Variants in ASH1L observed in about 807,000 individuals in gnomAD.
The protein encoded by ASH1L is ASH1 like histone lysine methyltransferase, also known as histone-lysine N-methyltransferase ASH1L.
A neutral mutation model predicts 269.0 loss-of-function variants in ASH1L; 23 were observed. That is an observed-to-expected ratio of 0.09 (90% CI 0.06 to 0.12). ASH1L has a LOEUF of 0.12. ASH1L is among the 10% of genes least tolerant of loss of function. ASH1L has a pLI of 1.00. For missense variants in ASH1L, 2,912 were observed against 3,567.8 expected, an observed-to-expected ratio of 0.82 and a Z score of 4.68; for synonymous variants, 1,187 against 1,253.5, an observed-to-expected ratio of 0.95 and a Z score of 1.12.
At chr1:155,345,483 G>A (rs1255861217) in intron 21 of ASH1L, among the ~76,000 whole-genome samples, 2 of 150,924 alleles carry the variant, frequency 1.3e-5, no homozygotes, top group East Asian at 2.0e-4. Flanking sequence ...GCGCCCGGCC[G>A]AGGATGGTCT....
At chr1:155,475,809 A>G (rs1235642501) in intron 3 of ASH1L, among the ~76,000 whole-genome samples, 1 of 152,190 alleles carries the variant, frequency 6.6e-6, no homozygotes, top group Non-Finnish European at 1.5e-5. Context: ...TCACCTTCTC[A>G]GGAAAGACTT....
At chr1:155,472,998 G>T (rs1423998810) in intron 3 of ASH1L, among the ~76,000 whole-genome samples, 1 of 151,946 alleles carries the variant, frequency 6.6e-6, no homozygotes, top group Non-Finnish European at 1.5e-5. Context: ...ATTCACAAAG[G>T]TATACAGTAT....
chr1:155,547,483 G>A (rs920576972), intron 1 of ASH1L, among the ~76,000 whole-genome samples: 1 of 151,942 alleles, frequency 6.6e-6, no homozygotes, highest in African/African-American at 2.4e-5. Flanking sequence ...GTGCACTTTG[G>A]GAGGCTGAGG....
intron 12 of ASH1L, among the ~76,000 whole-genome samples, chr1:155,363,964 C>A (rs936457126): frequency 6.6e-6 from 1 of 151,190 alleles, no homozygotes. Flanking sequence ...CAGAGCAAGA[C>A]TCTGTCTCAA....
intron 7 of ASH1L, among the ~76,000 whole-genome samples, chr1:155,394,197 T>C (rs1337494679): frequency 6.6e-6 from 1 of 152,066 alleles, no homozygotes; most frequent in Non-Finnish European, 1.5e-5. Flanking sequence ...ATAACAAGTA[T>C]AATGACCCTC....
chr1:155,469,203 A>G (rs1664910783), intron 3 of ASH1L, among the ~76,000 whole-genome samples: 1 of 149,874 alleles, frequency 6.7e-6, no homozygotes, highest in Non-Finnish European at 1.5e-5. Flanking sequence ...TTTTTTTTTG[A>G]GACGGAGTTT....
rs1347122264 is a variant in ASH1L, at chr1:155,479,845, T to C, written c.3025A>G (p.Ser1009Gly). The C allele has an allele frequency of 1.2e-6, 2 of 1,613,940 alleles. No individual in the cohort carries two copies. Among genetic ancestry groups the C allele is most frequent in the South Asian group, 2.2e-5 (2 of 91,042 alleles). Residue 1009 changes from serine to glycine, a missense_variant, in exon 3 of 28, where the codon AGT becomes GGT. Transcript: ENST00000392403. ...TTGGATTGCACTTTCCCTTTATTAC[T>C]TGATTCTACAGAACTTGAAAGAATC... ...NQILSSSVES[S>G]NKGKVQSKLH... is the part of the protein sequence containing the mutation.
intron 2 of ASH1L, among the ~76,000 whole-genome samples, chr1:155,510,259 C>T (rs1668079226): frequency 1.3e-5 from 2 of 151,398 alleles, no homozygotes; most frequent in South Asian, 4.2e-4. Context: ...ACTAAAAATA[C>T]AAAAATTACC....
chr1:155,427,633 T>C (rs1661258592), intron 5 of ASH1L, among the ~76,000 whole-genome samples: 1 of 151,940 alleles, frequency 6.6e-6, no homozygotes, highest in Non-Finnish European at 1.5e-5. Context: ...GAGATGGGTG[T>C]TCACTATGTT....
intron 5 of ASH1L, among the ~76,000 whole-genome samples, chr1:155,430,811 A>G (rs1661536680): frequency 6.6e-6 from 1 of 152,092 alleles, no homozygotes; most frequent in Non-Finnish European, 1.5e-5. Flanking sequence ...TGTTTTTAGA[A>G]ATAGGGTTTT....
intron 7 of ASH1L, 40 bp downstream of exon 7, chr1:155,395,419 G>A (rs1553251255): frequency 1.4e-6 from 2 of 1,432,626 alleles, no homozygotes; most frequent in Non-Finnish European, 1.9e-6. Context: ...AGGAAATACT[G>A]TTTCTTCTCA....
chr1:155,552,007 C>T (rs1430396748), intron 1 of ASH1L, among the ~76,000 whole-genome samples: 1 of 151,908 alleles, frequency 6.6e-6, no homozygotes, highest in Non-Finnish European at 1.5e-5. Flanking sequence ...TTGAACAACA[C>T]GTAATATACT....
intron 2 of ASH1L, among the ~76,000 whole-genome samples, chr1:155,485,080 C>A (rs1382920179): frequency 1.3e-5 from 2 of 151,354 alleles, no homozygotes; most frequent in Admixed American, 6.6e-5. Context: ...CATGGTGAAA[C>A]CCCATCTCTG....
rs1668877114 is a variant in ASH1L at position 155,521,384 on chromosome 1, C to G, written c.136G>C (p.Glu46Gln). ...EVELEKNTKE[E>Q]EDLRKRNRER... ...CGATTCCGTTTGCGAAGGTCCTCTTCCTCCTTTGTGTTTTTTTCTAGCTCT... is the reference window on the plus strand; with the variant it reads ...CGATTCCGTTTGCGAAGGTCCTCTTGCTCCTTTGTGTTTTTTTCTAGCTCT... The change falls in exon 2 of 28, where the codon GAA becomes CAA. Residue 46 changes from glutamate to glutamine, a missense_variant. This residue lies in a region of ASH1L where 115 missense variants were observed against 101.5 expected (regional missense o/e 1.13). Coordinates refer to ENST00000392403, the MANE Select transcript of ASH1L (RefSeq NM_018489.3). The G allele has an allele frequency of 1.9e-6, 3 of 1,614,042 alleles. No homozygotes were observed.
At chr1:155,411,530 A>G (rs1310534429) in intron 6 of ASH1L, among the ~76,000 whole-genome samples, 1 of 142,398 alleles carries the variant, frequency 7.0e-6, no homozygotes, top group Non-Finnish European at 1.5e-5. Context: ...AGTAAAAAAC[A>G]GAAGTGTGGT....
chr1:155,507,648 G>A (rs1379172457), intron 2 of ASH1L, among the ~76,000 whole-genome samples: 1 of 152,192 alleles, frequency 6.6e-6, no homozygotes. Context: ...AAGGCAGGAG[G>A]ATCGATTCAG....
intron 1 of ASH1L, among the ~76,000 whole-genome samples, chr1:155,527,357 T>C (rs1037908959): frequency 6.6e-6 from 1 of 152,152 alleles, no homozygotes. Context: ...TTGAACATAC[T>C]GATTATACTT....
chr1:155,527,792 G>A (rs1352156473), intron 1 of ASH1L, among the ~76,000 whole-genome samples: 3 of 151,836 alleles, frequency 2.0e-5, no homozygotes, highest in Non-Finnish European at 4.4e-5. Flanking sequence ...GCAATCCTCC[G>A]ACCTCAGACT....
At chr1:155,357,132 TTAAAAAAAAA>T (rs1654485249) in intron 15 of ASH1L, among the ~76,000 whole-genome samples, 174 bp downstream of exon 15, 2 of 6,648 alleles carry the variant, frequency 3.0e-4, no homozygotes, top group Non-Finnish European at 1.0e-3. Context: ...AGGGTAAGAC[TTAAAAAAAAA>T]AAAAAAAAAA....
Sources: allele counts gnomAD v4.1 joint callset (sites outside exome capture counted in the v4.1 genomes callset), GRCh38; gene constraint gnomAD v4.1.1; regional missense constraint gnomAD v4.1.1; transcripts MANE v1.5; gene names NCBI Gene and HGNC (gene_info 2026-07-23, HGNC 2026-07-21).